The following UBXN4 variants were observed in gnomAD, a reference collection of about 807,000 sequenced individuals.
UBXN4 encodes the protein UBX domain-containing protein 4.
UBXN4 carries 35 observed loss-of-function variants against 66.2 expected under a neutral mutation model. The ratio of observed to expected loss-of-function variants is 0.53; its 90% confidence interval spans 0.40 to 0.70. UBXN4 has a LOEUF of 0.70. Ranked by LOEUF, UBXN4 falls within the 30% of genes least tolerant of loss-of-function variation. UBXN4 has a pLI of 0.00. For synonymous variants in UBXN4, 203 were observed against 204.5 expected, an observed-to-expected ratio of 0.99 and a Z score of 0.06; for missense variants, 533 against 599.8, an observed-to-expected ratio of 0.89 and a Z score of 1.16.
rs1263762123 is a variant in UBXN4 at position 135,784,075 on chromosome 2, G to C, written c.*1188G>C. 6.6e-6 allele frequency: 1 copy of C among 152,016 alleles called. No individual in the cohort carries two copies. The highest frequency in any genetic ancestry group is 1.5e-5 in the Non-Finnish European group (1 of 68,022). The allele number at this position is 152,016 out of a possible 1,614,324, so 9.4% of individuals were successfully genotyped here. A position where few individuals can be genotyped will look rare whatever the true frequency, so the allele number is the denominator to read the frequency against. On this transcript the variant is annotated 3_prime_UTR_variant, in exon 13 of 13. Transcript: ENST00000272638. Reference sequence around the variant, plus strand: ...TTTAAAATGGTGACAGTGTTGGCAAGGAAACAGCAACACAGGCTGCGCTGT... The same window carrying C: ...TTTAAAATGGTGACAGTGTTGGCAACGAAACAGCAACACAGGCTGCGCTGT...
At chr2:135,742,272 G>T (rs1469640426) in intron 1 of UBXN4, among the ~76,000 whole-genome samples, 1 of 152,184 alleles carries the variant, frequency 6.6e-6, no homozygotes, top group African/African-American at 2.4e-5. Context: ...CGAGGCCCGG[G>T]CTGCCGGCCC....
intron 9 of UBXN4, among the ~76,000 whole-genome samples, chr2:135,775,362 G>A (rs1041971663): frequency 5.3e-5 from 8 of 152,198 alleles, no homozygotes; most frequent in African/African-American, 9.6e-5. Flanking sequence ...CATGAGTATA[G>A]CAGCATTAGT....
Position 135,776,351 on chromosome 2 carries a change from G to A in UBXN4, c.1053G>A (p.Gln351=), listed in dbSNP as rs1241818353. Residue 351 remains glutamine (Q), a splice_region_variant and synonymous_variant, in exon 10 of 13, where the codon CAG becomes CAA. Transcript: ENST00000272638. ...PLEEARQFAA[Q]TVGNTYGNFS... ...AAGAGGCAAGGCAGTTTGCTGCACAGGTAAATTTATGTCTTGAGTTGTAGT... is the reference window on the plus strand; with the variant it reads ...AAGAGGCAAGGCAGTTTGCTGCACAAGTAAATTTATGTCTTGAGTTGTAGT... 6.2e-7 allele frequency: 1 copy of A among 1,609,568 alleles called. No homozygotes were observed. Among genetic ancestry groups the A allele is most frequent in the Non-Finnish European group, 8.5e-7 (1 of 1,177,756 alleles).
intron 5 of UBXN4, among the ~76,000 whole-genome samples, chr2:135,756,952 A>G (rs2105496991): frequency 6.6e-6 from 1 of 152,238 alleles, no homozygotes; most frequent in East Asian, 1.9e-4. Context: ...TGTAAGGAGT[A>G]TGTTGCTTTT....
chr2:135,773,187 G>T (rs1471866413), intron 9 of UBXN4, among the ~76,000 whole-genome samples: 1 of 152,184 alleles, frequency 6.6e-6, no homozygotes, highest in Non-Finnish European at 1.5e-5. Flanking sequence ...TTAAGCAAAA[G>T]AGGAAATACA....
intron 9 of UBXN4, among the ~76,000 whole-genome samples, chr2:135,775,749 A>G (rs2077410779): frequency 6.6e-6 from 1 of 152,068 alleles, no homozygotes; most frequent in South Asian, 2.1e-4. Flanking sequence ...AAATCACTGA[A>G]CTGTACACTT....
chr2:135,748,119 T>G, intron 1 of UBXN4, 148 bp from the exon 2 acceptor site: 1 of 501,988 alleles, frequency 2.0e-6, no homozygotes, highest in Non-Finnish European at 3.4e-6. Flanking sequence ...GTCACACTTT[T>G]CATTTAGTGG....
chr2:135,756,866 A>G (rs920903170), intron 5 of UBXN4, among the ~76,000 whole-genome samples: 22 of 152,276 alleles, frequency 1.4e-4, no homozygotes, highest in Non-Finnish European at 1.5e-4. Flanking sequence ...GTTTACAGTT[A>G]CAGGTATTGT....
At chr2:135,747,830 A>G in intron 1 of UBXN4, 1 of 361,398 alleles carries the variant, frequency 2.8e-6, no homozygotes, top group African/African-American at 2.1e-5. Context: ...CGTGTTGGCC[A>G]GTCTGGTCTC....
chr2:135,778,874 C>T (rs1356357734), intron 10 of UBXN4, 74 bp from the exon 11 acceptor site: 11 of 1,381,428 alleles, frequency 8.0e-6, no homozygotes, highest in Non-Finnish European at 1.1e-5. Flanking sequence ...TTAATTAAAG[C>T]ATCATTTTGG....
intron 6 of UBXN4, among the ~76,000 whole-genome samples, chr2:135,766,306 T>A (rs190343799): frequency 6.6e-6 from 1 of 152,190 alleles, no homozygotes; most frequent in Non-Finnish European, 1.5e-5. Context: ...ATAAATACGT[T>A]TATACACCAT....
intron 2 of UBXN4, among the ~76,000 whole-genome samples, chr2:135,752,313 C>T (rs2077247669): frequency 2.0e-5 from 3 of 152,184 alleles, no homozygotes; most frequent in African/African-American, 7.2e-5. Flanking sequence ...TCCCAAAGTG[C>T]TGGGATTACA....
intron 3 of UBXN4, chr2:135,753,913 G>A: frequency 2.2e-6 from 1 of 462,272 alleles, no homozygotes. Flanking sequence ...CAGCAAGATG[G>A]ATAGAAAAGG....
intron 2 of UBXN4, among the ~76,000 whole-genome samples, chr2:135,749,811 G>A (rs546529347): frequency 1.3e-5 from 2 of 152,294 alleles, no homozygotes; most frequent in African/African-American, 4.8e-5. Context: ...ACATTAGGAA[G>A]CATTGATTTC....
chr2:135,769,909 G>A (rs1559542363), intron 7 of UBXN4, 86 bp downstream of exon 7: 1 of 1,194,812 alleles, frequency 8.4e-7, no homozygotes, highest in Non-Finnish European at 1.1e-6. Flanking sequence ...CAGGCCTAGG[G>A]TGACTTCATA....
At chr2:135,747,728 G>GAGTGCAAGC in intron 1 of UBXN4, 1 of 455,748 alleles carries the variant, frequency 2.2e-6, no homozygotes, top group Non-Finnish European at 4.4e-6. Context: ...TCCACCTTCC[G>GAGTGCAAGC]AGTGCAAGCA....
intron 2 of UBXN4, among the ~76,000 whole-genome samples, chr2:135,751,754 G>C (rs968408736): frequency 1.3e-5 from 2 of 151,440 alleles, no homozygotes; most frequent in African/African-American, 4.9e-5. Context: ...GTAGGATTTT[G>C]GGTAATTTTT....
chr2:135,760,159 C>T (rs1306450490), intron 5 of UBXN4, among the ~76,000 whole-genome samples: 2 of 152,050 alleles, frequency 1.3e-5, no homozygotes, highest in African/African-American at 2.4e-5. Flanking sequence ...TACACATGGG[C>T]CAGGTACAAT....
intron 6 of UBXN4, among the ~76,000 whole-genome samples, chr2:135,763,507 A>T (rs187750211): frequency 8.5e-5 from 13 of 152,346 alleles, no homozygotes; most frequent in Non-Finnish European, 4.4e-5. Flanking sequence ...AATCTATTTC[A>T]TACAAATTAA....
Sources: allele counts gnomAD v4.1 joint callset (sites outside exome capture counted in the v4.1 genomes callset), GRCh38; gene constraint gnomAD v4.1.1; transcripts MANE v1.5; gene names NCBI Gene and HGNC (gene_info 2026-07-23, HGNC 2026-07-21).